LHFPL6: variants seen among roughly 807,000 people sequenced by gnomAD.
LHFPL6 encodes the protein LHFPL tetraspan subfamily member 6 protein.
In LHFPL6, 9 loss-of-function variants were observed where a neutral mutation model predicts 20.6. The ratio of observed to expected loss-of-function variants is 0.44; its 90% CI spans 0.26 to 0.76. LHFPL6 has a LOEUF of 0.76. Among genes scored for constraint, LHFPL6 ranks in the 30% least tolerant of loss-of-function variants. The pLI, the probability that LHFPL6 is intolerant of heterozygous loss-of-function variation, is 0.20. For missense variants in LHFPL6, 218 were observed against 253.5 expected (o/e 0.86, Z 0.95); for synonymous variants, 105 against 98.7 (o/e 1.06, Z -0.38).
intron 3 of LHFPL6, among the ~76,000 whole-genome samples, chr13:39,350,092 G>A (rs1048644693): frequency 6.6e-6 from 1 of 152,166 alleles, no homozygotes; most frequent in Non-Finnish European, 1.5e-5. Flanking sequence ...AGCTGGAAAC[G>A]CAGCCGGGAA....
At chr13:39,437,432 G>T (rs1871992130) in intron 2 of LHFPL6, among the ~76,000 whole-genome samples, 2 of 152,050 alleles carry the variant, frequency 1.3e-5, no homozygotes, top group South Asian at 4.2e-4. Flanking sequence ...TTTTCCTCTT[G>T]CTTTGGCTAT....
At chr13:39,546,035 A>G (rs1328638441) in intron 2 of LHFPL6, among the ~76,000 whole-genome samples, 2 of 152,150 alleles carry the variant, frequency 1.3e-5, no homozygotes, top group East Asian at 3.8e-4. Context: ...TGTGGAACCT[A>G]TGGATATGAA....
At chr13:39,532,161 C>G in intron 2 of LHFPL6, among the ~76,000 whole-genome samples, 1 of 152,114 alleles carries the variant, frequency 6.6e-6, no homozygotes, top group East Asian at 1.9e-4. Context: ...TTCACCTACC[C>G]TAAACCCTTT....
chr13:39,556,961 CTAAATAAATAA>C (rs1443381439), intron 2 of LHFPL6, among the ~76,000 whole-genome samples: 3 of 151,996 alleles, frequency 2.0e-5, no homozygotes, highest in Non-Finnish European at 2.9e-5. Flanking sequence ...GATCCTGTCC[CTAAATAAATAA>C]TAAATAAATA....
intron 2 of LHFPL6, among the ~76,000 whole-genome samples, chr13:39,414,202 G>A (rs1392113298): frequency 6.6e-6 from 1 of 151,938 alleles, no homozygotes; most frequent in Non-Finnish European, 1.5e-5. Context: ...CAGATCACAG[G>A]GTATAAAAGC....
intron 2 of LHFPL6, among the ~76,000 whole-genome samples, chr13:39,457,254 C>T (rs1297602123): frequency 6.6e-6 from 1 of 152,156 alleles, no homozygotes; most frequent in African/African-American, 2.4e-5. Context: ...CAACAAATAG[C>T]TTGTATCTAC....
At chr13:39,462,519 T>C (rs185813681) in intron 2 of LHFPL6, among the ~76,000 whole-genome samples, 1 of 152,332 alleles carries the variant, frequency 6.6e-6, no homozygotes, top group East Asian at 1.9e-4. Context: ...CCAAACTCTG[T>C]TATCCTATCC....
intron 2 of LHFPL6, among the ~76,000 whole-genome samples, chr13:39,523,991 A>G (rs561266170): frequency 5.3e-5 from 8 of 152,338 alleles, no homozygotes; most frequent in African/African-American, 1.9e-4. Flanking sequence ...GCAATAGGAA[A>G]AGATGGCAGA....
In LHFPL6 at chr13:39,521,579, C is replaced by T. The variant is rs115853188; in HGVS notation, c.385+79253G>A. 2.8e-3 allele frequency among the ~76,000 whole-genome samples: 430 copies of T among 152,034 alleles called. 4 individuals carry two copies. Among genetic ancestry groups the T allele is most frequent in the African/African-American group, 9.8e-3 (407 of 41,362 alleles). ...ATAGGGCTGCTGATAAGATATCCAACGGGTTGGGTTTGTTGTTGTTGTTGT... is the reference window on the plus strand; with the variant it reads ...ATAGGGCTGCTGATAAGATATCCAATGGGTTGGGTTTGTTGTTGTTGTTGT... On this transcript the variant is annotated intron_variant, in intron 2 of 3. Coordinates refer to ENST00000379589, the MANE Select transcript of LHFPL6 (RefSeq NM_005780.3).
intron 3 of LHFPL6, among the ~76,000 whole-genome samples, chr13:39,357,755 C>T (rs1869763921): frequency 6.6e-6 from 1 of 151,852 alleles, no homozygotes; most frequent in African/African-American, 2.4e-5. Context: ...AAAATAGCCA[C>T]AAAAAATAAA....
chr13:39,557,730 T>C (rs568091274), intron 2 of LHFPL6, among the ~76,000 whole-genome samples: 1 of 152,236 alleles, frequency 6.6e-6, no homozygotes, highest in Non-Finnish European at 1.5e-5. Context: ...TGAGGCCTCA[T>C]GGGAGGTGTC....
chr13:39,499,446 A>T (rs1869215597), intron 2 of LHFPL6, among the ~76,000 whole-genome samples: 2 of 152,180 alleles, frequency 1.3e-5, no homozygotes, highest in South Asian at 4.1e-4. Flanking sequence ...TTGAGAGAAC[A>T]GACCTGCAGC....
intron 2 of LHFPL6, among the ~76,000 whole-genome samples, chr13:39,465,819 TGCATGGTGAGAGAGAGTTC>T (rs1872789929): frequency 6.6e-6 from 1 of 152,130 alleles, no homozygotes; most frequent in Non-Finnish European, 1.5e-5. Flanking sequence ...AGGAGGCAGC[TGCATGGTGAGAGAGAGTTC>T]CTTTCACTGC....
chr13:39,369,631 C>CT (rs1870116336), intron 3 of LHFPL6, among the ~76,000 whole-genome samples: 1 of 140,944 alleles, frequency 7.1e-6, no homozygotes, highest in African/African-American at 2.8e-5. Flanking sequence ...TCCCCCTTTC[C>CT]TTTCCTCTCA....
At chr13:39,551,880 C>CAAAT (rs972220095) in intron 2 of LHFPL6, among the ~76,000 whole-genome samples, 7 of 151,970 alleles carry the variant, frequency 4.6e-5, no homozygotes, top group African/African-American at 1.7e-4. Context: ...AAAACAGGGA[C>CAAAT]AAAAGTAATA....
intron 2 of LHFPL6, among the ~76,000 whole-genome samples, chr13:39,600,419 A>G (rs1282899033): frequency 6.6e-6 from 1 of 152,238 alleles, no homozygotes; most frequent in Non-Finnish European, 1.5e-5. Flanking sequence ...AACAATGTTG[A>G]ATCAAAAACC....
At chr13:39,463,241 C>T (rs1340457922) in intron 2 of LHFPL6, among the ~76,000 whole-genome samples, 1 of 152,144 alleles carries the variant, frequency 6.6e-6, no homozygotes, top group Non-Finnish European at 1.5e-5. Flanking sequence ...TATTTCAACC[C>T]TGTATGACTC....
intron 2 of LHFPL6, among the ~76,000 whole-genome samples, chr13:39,449,434 T>C (rs1201402010): frequency 6.6e-6 from 1 of 152,214 alleles, no homozygotes; most frequent in African/African-American, 2.4e-5. Context: ...AAAAGTAGTA[T>C]TGATAGGAAA....
At chr13:39,502,750 A>AT in intron 2 of LHFPL6, among the ~76,000 whole-genome samples, 1 of 152,222 alleles carries the variant, frequency 6.6e-6, no homozygotes, top group East Asian at 1.9e-4. Flanking sequence ...TTAAAAGACC[A>AT]TTTGTGGAAC....
Sources: allele counts gnomAD v4.1 joint callset (sites outside exome capture counted in the v4.1 genomes callset), GRCh38; gene constraint gnomAD v4.1.1; transcripts MANE v1.5; gene names NCBI Gene and HGNC (gene_info 2026-07-23, HGNC 2026-07-21).